WDR20: variants seen among roughly 807,000 people sequenced by gnomAD.
The protein encoded by WDR20 is WD repeat domain 20, also known as WD repeat-containing protein 20.
WDR20 carries 3 observed loss-of-function variants against 38.7 expected under a neutral mutation model. That is an observed-to-expected ratio of 0.08 (90% CI 0.04 to 0.20). WDR20 has a LOEUF of 0.20. WDR20 is among the 10% of genes least tolerant of loss of function. WDR20 has a pLI of 1.00. For missense variants in WDR20, 559 were observed against 727.7 expected (o/e 0.77, Z 2.67); for synonymous variants, 298 against 285.6 (o/e 1.04, Z -0.44).
chr14:102,219,737 C>T (rs1487063905), downstream of WDR20, among the ~76,000 whole-genome samples: 17 of 152,250 alleles, frequency 1.1e-4, no homozygotes, highest in Admixed American at 1.1e-3. Flanking sequence ...GGCACATTCT[C>T]TGCATGGCGA....
At chr14:102,176,739 A>AT (rs201258040) in intron 1 of WDR20, among the ~76,000 whole-genome samples, 103 of 144,574 alleles carry the variant, frequency 7.1e-4, no homozygotes, top group Middle Eastern at 3.6e-3. Flanking sequence ...ATTGGTGCCA[A>AT]TTTTTTTTTT....
At position 102,222,177 on chromosome 14, in the gene WDR20, T is replaced by C. The variant is rs2063970360; in HGVS notation, c.1693-653T>C. Among the ~76,000 whole-genome samples, 2 of 151,822 alleles carry C rather than the reference T, an allele frequency of 1.3e-5. No homozygotes were observed. Among genetic ancestry groups the C allele is most frequent in the Non-Finnish European group, 2.9e-5 (2 of 67,982 alleles). ...ATTCTTCCTGCTGGCCCTGGTGGGT[T>C]GGCCCCCACATCCCTTCTCCACACC... On this transcript the variant is annotated intron_variant, in intron 3 of 3. Transcript: ENST00000335263. This position sits in a 1 kb window ranked among gnomAD's most constrained non-coding sequence, Gnocchi z 4.4.
At chr14:102,150,403 G>A (rs2055373050) in intron 1 of WDR20, among the ~76,000 whole-genome samples, 1 of 152,080 alleles carries the variant, frequency 6.6e-6, no homozygotes, top group Non-Finnish European at 1.5e-5. Flanking sequence ...GCCCAGGGTG[G>A]GGAGGTCGAG....
Position 102,210,211 on chromosome 14 carries a change from C to A in WDR20, c.*331C>A. The A allele has an allele frequency of 9.6e-7, 1 of 1,037,126 alleles. No individual in the cohort carries two copies. Among genetic ancestry groups the A allele is most frequent in the Middle Eastern group, 4.7e-4 (1 of 2,108 alleles). The allele number at this position is 1,037,126 out of a possible 1,614,324, so 64.2% of individuals were successfully genotyped here. On this transcript the variant is annotated 3_prime_UTR_variant, in exon 3 of 3. Coordinates refer to ENST00000342702, the MANE Select transcript of WDR20 (RefSeq NM_144574.4). ...GTGGGGAAACAATGACTTTAAAATG[C>A]TGAAATTAAAATTTATGCTTTAACT...
chr14:102,139,583 C>T, upstream of WDR20: 1 of 709,158 alleles, frequency 1.4e-6, no homozygotes, highest in Non-Finnish European at 2.3e-6. Flanking sequence ...TTCCCCCTGA[C>T]CGGCTTTCCG....
chr14:102,212,460 C>T, downstream of WDR20: 1 of 1,526,620 alleles, frequency 6.6e-7, no homozygotes, highest in Non-Finnish European at 8.8e-7. Flanking sequence ...CCAGGCCCTG[C>T]AGGGCGACAC....
At chr14:102,148,996 C>G (rs2054738264) in intron 1 of WDR20, among the ~76,000 whole-genome samples, 2 of 152,114 alleles carry the variant, frequency 1.3e-5, no homozygotes, top group Admixed American at 6.6e-5. Context: ...CCCCTCTCTA[C>G]TAAAAATACA....
In WDR20 at chr14:102,208,843, G is replaced by A. The variant is rs772972753; in HGVS notation, c.673G>A (p.Glu225Lys). The A allele has an allele frequency of 4.3e-6, 7 of 1,614,178 alleles. No homozygotes were observed. The highest frequency in any genetic ancestry group is 4.5e-5 in the East Asian group (2 of 44,880). ...GACGGTGGGCGAGGGGGCCCTCAAC[G>A]AGTTTGCTTTCTCCCCAGATGGCAA... The part of the protein sequence containing the change: ...KWTVGEGALN[E>K]FAFSPDGKFL... The change falls in exon 3 of 3, where the codon GAG becomes AAG. Residue 225 changes from glutamate (E) to lysine (K), a missense_variant. Glu to Lys is a moderately conservative substitution (Grantham distance 56). Transcript: ENST00000342702. The surrounding 1 kb of genome is among the most constrained non-coding windows in gnomAD (Gnocchi z 5.6).
At chr14:102,139,653 T>G, upstream of WDR20, 1 of 645,966 alleles carries the variant, frequency 1.5e-6, no homozygotes, top group Admixed American at 3.0e-5. Flanking sequence ...CGGCATCACC[T>G]GGGAAGCAGC....
chr14:102,215,997 T>C (rs565499823), downstream of WDR20, among the ~76,000 whole-genome samples: 14 of 152,244 alleles, frequency 9.2e-5, 1 homozygote, highest in South Asian at 2.5e-3. Flanking sequence ...TCCCATTTAA[T>C]TGTCACTTCC....
At chr14:102,190,270 G>T (rs116541146) in intron 1 of WDR20, among the ~76,000 whole-genome samples, 1 of 152,142 alleles carries the variant, frequency 6.6e-6, no homozygotes, top group Non-Finnish European at 1.5e-5. Flanking sequence ...CATAGGAAGT[G>T]TTGATTAGGC....
downstream of WDR20, among the ~76,000 whole-genome samples, chr14:102,218,154 G>T (rs1250550568): frequency 2.0e-5 from 3 of 152,240 alleles, no homozygotes; most frequent in African/African-American, 7.2e-5. Flanking sequence ...GCCATGAAAC[G>T]GGTCCCAGGG....
intron 2 of WDR20, among the ~76,000 whole-genome samples, chr14:102,206,894 G>T (rs957587709): frequency 1.3e-5 from 2 of 152,176 alleles, no homozygotes; most frequent in African/African-American, 4.8e-5. Flanking sequence ...TCAAAAAAAA[G>T]CCCTGCTCTG....
downstream of WDR20, chr14:102,213,357 G>A (rs1338837179): frequency 3.0e-6 from 3 of 985,358 alleles, no homozygotes; most frequent in Non-Finnish European, 3.6e-6. Context: ...CCTTGGGGTC[G>A]AAATTTGCTT....
At chr14:102,213,488 T>A, downstream of WDR20, 1 of 985,408 alleles carries the variant, frequency 1.0e-6, no homozygotes, top group Non-Finnish European at 1.2e-6. Context: ...AATGGAGGCA[T>A]GGAAAATCAG....
At chr14:102,213,066 C>T (rs1263637985), downstream of WDR20, 5 of 988,356 alleles carry the variant, frequency 5.1e-6, no homozygotes, top group East Asian at 1.1e-4. Context: ...CAGACACCTT[C>T]TGAAGGTGCC....
At position 102,220,444 on chromosome 14, in the gene WDR20, C is replaced by T. The variant is rs188644166; in HGVS notation, c.1693-2386C>T. ...TCTTCAGTTAAAATATTAAAATTGG[C>T]CAGGTGCGGTGGCTCACGCCTGTAA... On this transcript the variant is annotated intron_variant, in intron 3 of 3. Coordinates refer to the WDR20 transcript ENST00000335263. This position sits in a 1 kb window ranked among gnomAD's most constrained non-coding sequence, Gnocchi z 4.2. Among the ~76,000 whole-genome samples the T allele has an allele frequency of 2.2e-3, 341 of 152,304 alleles. No homozygotes were observed. Among genetic ancestry groups the T allele is most frequent in the African/African-American group, 7.9e-3 (330 of 41,572 alleles).
intron 1 of WDR20, among the ~76,000 whole-genome samples, chr14:102,191,790 A>G (rs2066504464): frequency 6.6e-6 from 1 of 152,150 alleles, no homozygotes; most frequent in African/African-American, 2.4e-5. Flanking sequence ...GAGAGATTCT[A>G]AGTGTTCCTT....
intron 2 of WDR20, among the ~76,000 whole-genome samples, chr14:102,199,866 A>G (rs2060003248): frequency 6.6e-6 from 1 of 152,254 alleles, no homozygotes; most frequent in East Asian, 1.9e-4. Context: ...TGATAGAAAA[A>G]TTGGAAAATA....
Sources: allele counts gnomAD v4.1 joint callset (sites outside exome capture counted in the v4.1 genomes callset), GRCh38; gene constraint gnomAD v4.1.1; non-coding constraint Gnocchi (gnomAD v3.1); transcripts MANE v1.5; gene names NCBI Gene and HGNC (gene_info 2026-07-23, HGNC 2026-07-21).